HMGB1: variants seen among roughly 807,000 people sequenced by gnomAD.
HMGB1 encodes high mobility group box 1.
For missense variants in HMGB1, 79 were observed against 253.5 expected, an observed-to-expected ratio of 0.31 and a Z score of 4.67; for synonymous variants, 81 against 84.0, an observed-to-expected ratio of 0.96 and a Z score of 0.19.
chr13:30,505,326 G>T (rs34460752), intron 1 of HMGB1, among the ~76,000 whole-genome samples: 1 of 151,358 alleles, frequency 6.6e-6, no homozygotes, highest in Non-Finnish European at 1.5e-5. Flanking sequence ...TTACAGGTGC[G>T]TGCCACCAGG....
chr13:30,479,595 A>G (rs570515824), intron 1 of HMGB1, among the ~76,000 whole-genome samples: 3 of 152,290 alleles, frequency 2.0e-5, no homozygotes, highest in Admixed American at 1.3e-4. Flanking sequence ...TTTGTGGTTA[A>G]GAATGGAGGC....
intron 1 of HMGB1, among the ~76,000 whole-genome samples, chr13:30,480,296 T>C (rs926915672): frequency 5.9e-5 from 9 of 152,270 alleles, no homozygotes; most frequent in Non-Finnish European, 1.3e-4. Flanking sequence ...TTTATTTATA[T>C]ATTTGTTCAT....
intron 1 of HMGB1, among the ~76,000 whole-genome samples, chr13:30,603,910 C>G (rs1013576637): frequency 1.3e-5 from 2 of 151,906 alleles, no homozygotes; most frequent in South Asian, 4.1e-4. Context: ...TTTTTTTTCT[C>G]GTCTAATATT....
chr13:30,549,865 C>T (rs1208865228), intron 1 of HMGB1, among the ~76,000 whole-genome samples: 1 of 151,994 alleles, frequency 6.6e-6, no homozygotes, highest in African/African-American at 2.4e-5. Flanking sequence ...TGCAGGCGCC[C>T]GCCATCACGC....
At chr13:30,469,354 A>G (rs1398418656), upstream of HMGB1, among the ~76,000 whole-genome samples, 1 of 152,178 alleles carries the variant, frequency 6.6e-6, no homozygotes, top group Non-Finnish European at 1.5e-5. Context: ...TCTTTTCTGT[A>G]ATCCTGTAAT....
At chr13:30,597,158 G>C (rs77800880) in intron 1 of HMGB1, among the ~76,000 whole-genome samples, 7,292 of 152,276 alleles carry the variant, frequency 0.048, 379 homozygotes, top group East Asian at 0.19. Context: ...TTTGGAAATA[G>C]GGTCTTTGCA....
intron 1 of HMGB1, among the ~76,000 whole-genome samples, chr13:30,496,229 T>C (rs1423529881): frequency 6.6e-6 from 1 of 152,236 alleles, no homozygotes; most frequent in African/African-American, 2.4e-5. Context: ...ATTTTGCCTA[T>C]TTATTCAATG....
intron 1 of HMGB1, among the ~76,000 whole-genome samples, chr13:30,583,189 A>AATCT (rs1469854567): frequency 6.6e-6 from 1 of 151,950 alleles, no homozygotes; most frequent in African/African-American, 2.4e-5. Flanking sequence ...TCTAAGCATA[A>AATCT]ATCTAATAAT....
At chr13:30,612,275 G>T (rs1426899472) in intron 1 of HMGB1, among the ~76,000 whole-genome samples, 1 of 151,438 alleles carries the variant, frequency 6.6e-6, no homozygotes, top group Non-Finnish European at 1.5e-5. Context: ...ACAAACAGGT[G>T]GTGAGAAAGA....
intron 1 of HMGB1, among the ~76,000 whole-genome samples, chr13:30,555,063 C>T (rs1311952158): frequency 2.0e-4 from 15 of 73,436 alleles, no homozygotes; most frequent in African/African-American, 5.9e-4. Flanking sequence ...TTTTTTGAGA[C>T]GGAGTCTCTG....
intron 1 of HMGB1, among the ~76,000 whole-genome samples, chr13:30,508,516 A>AAAAAGAAAAGAAAAG (rs371294799): frequency 2.1e-4 from 32 of 151,832 alleles, no homozygotes; most frequent in African/African-American, 7.0e-4. Context: ...CTCTCAAGAA[A>AAAAAGAAAAGAAAAG]AAAAGAAAAG....
intron 1 of HMGB1, among the ~76,000 whole-genome samples, chr13:30,536,177 T>C (rs894225429): frequency 1.3e-5 from 2 of 152,228 alleles, no homozygotes; most frequent in African/African-American, 4.8e-5. Context: ...CAATTCTGTG[T>C]TGCAGATTAA....
At position 30,499,338 on chromosome 13, in the gene HMGB1, A is replaced by G. The variant is rs868007479; in HGVS notation, c.-14-35644T>C. 2.6e-5 allele frequency among the ~76,000 whole-genome samples: 4 copies of G among 152,158 alleles called. No individual in the cohort carries two copies. In the South Asian group the frequency reaches 8.3e-4, roughly 32 times the overall value. On this transcript the variant is annotated intron_variant, in intron 1 of 4. Coordinates refer to the HMGB1 transcript ENST00000405805. ...AACCCTTTGGGTTTTCCTACTAACT[A>G]CAACTGAATGATAGGTGTGCTTTGG...
At chr13:30,581,687 T>G (rs996228980) in intron 1 of HMGB1, among the ~76,000 whole-genome samples, 1 of 151,980 alleles carries the variant, frequency 6.6e-6, no homozygotes, top group African/African-American at 2.4e-5. Flanking sequence ...GAAATTGGGG[T>G]TCCCAATCAG....
intron 1 of HMGB1, chr13:30,539,899 G>T: frequency 6.4e-6 from 1 of 155,572 alleles, no homozygotes; most frequent in South Asian, 1.8e-4. Context: ...AGATCTTCTT[G>T]ATTTCACGTT....
At chr13:30,603,419 C>G (rs1304421176) in intron 1 of HMGB1, among the ~76,000 whole-genome samples, 5 of 152,174 alleles carry the variant, frequency 3.3e-5, no homozygotes, top group Non-Finnish European at 7.3e-5. Context: ...TACCCTTTCT[C>G]TCCTTCTATA....
intron 1 of HMGB1, among the ~76,000 whole-genome samples, chr13:30,498,117 T>A (rs2137448978): frequency 6.6e-6 from 1 of 152,276 alleles, no homozygotes; most frequent in Admixed American, 6.5e-5. Flanking sequence ...CTCGCAAGCA[T>A]CTGTTATTTT....
chr13:30,590,240 C>T (rs112947061), intron 1 of HMGB1, among the ~76,000 whole-genome samples: 178 of 152,024 alleles, frequency 1.2e-3, no homozygotes, highest in African/African-American at 4.0e-3. Flanking sequence ...CTACGACAAC[C>T]GAGAGGCTGA....
At chr13:30,466,124 GAGAGGC>G (rs910286050), upstream of HMGB1, among the ~76,000 whole-genome samples, 15 of 152,314 alleles carry the variant, frequency 9.8e-5, no homozygotes, top group East Asian at 5.8e-4. Flanking sequence ...GCTGAGGCGG[GAGAGGC>G]AGAGGCAGAG....
Sources: gnomAD v4.1 joint callset for allele counts (sites outside exome capture counted in the v4.1 genomes callset) on GRCh38, gnomAD v4.1.1 for gene constraint, MANE v1.5 for transcripts, NCBI Gene and HGNC (gene_info 2026-07-23, HGNC 2026-07-21) for gene names.